ADGB: variants seen among roughly 807,000 people sequenced by gnomAD.
ADGB encodes calpain-7-like protein.
In ADGB, 172 loss-of-function variants were observed where a neutral mutation model predicts 210.5. The ratio of observed to expected loss-of-function variants is 0.82; its 90% CI spans 0.72 to 0.93. The LOEUF (loss-of-function observed/expected upper bound fraction) is 0.93, where lower values mean the gene tolerates loss of function less well. Ranked by LOEUF, ADGB falls within the 40% of genes least tolerant of loss-of-function variation. The pLI is 0.00. For synonymous variants in ADGB, 658 were observed against 662.7 expected, an observed-to-expected ratio of 0.99 and a Z score of 0.11; for missense variants, 2,025 against 1,964.8, an observed-to-expected ratio of 1.03 and a Z score of -0.58.
chr6:146,814,309 A>G (rs535532164), intron 35 of ADGB, among the ~76,000 whole-genome samples: 2 of 152,330 alleles, frequency 1.3e-5, no homozygotes, highest in Admixed American at 6.5e-5. Context: ...TGATCATATT[A>G]TCTTTGAAAC....
intron 35 of ADGB, chr6:146,807,938 A>G (rs1374474815): frequency 1.3e-5 from 2 of 158,088 alleles, no homozygotes; most frequent in Non-Finnish European, 2.8e-5. Flanking sequence ...TTGTTCTTAG[A>G]AGAAATTTAG....
chr6:146,737,481 A>C (rs1031793873), intron 23 of ADGB, among the ~76,000 whole-genome samples: 2 of 152,204 alleles, frequency 1.3e-5, no homozygotes, highest in African/African-American at 2.4e-5. Context: ...GAAGGTACAA[A>C]GATAACAGGT....
chr6:146,802,893 T>C (rs1778154009), intron 35 of ADGB: 3 of 1,610,498 alleles, frequency 1.9e-6, no homozygotes, highest in South Asian at 1.1e-5. Context: ...CATAATCCAC[T>C]TAATTGTTGT....
At chr6:146,748,029 C>G (rs150883484) in intron 26 of ADGB, among the ~76,000 whole-genome samples, 1,773 of 152,004 alleles carry the variant, frequency 0.012, 26 homozygotes, top group African/African-American at 0.04. Context: ...GTGAGGCCAC[C>G]TGTCTCAGCC....
At chr6:146,642,594 A>T (rs1231851717) in intron 2 of ADGB, among the ~76,000 whole-genome samples, 1 of 151,970 alleles carries the variant, frequency 6.6e-6, no homozygotes, top group Non-Finnish European at 1.5e-5. Context: ...AAAGAACAAG[A>T]TCGTGTCTTT....
chr6:146,618,811 A>G (rs967108101), intron 1 of ADGB, among the ~76,000 whole-genome samples: 3 of 150,756 alleles, frequency 2.0e-5, no homozygotes, highest in Non-Finnish European at 3.0e-5. Flanking sequence ...CTGTTGAGAA[A>G]ATGTGTTTTC....
intron 8 of ADGB, among the ~76,000 whole-genome samples, chr6:146,675,494 G>T (rs1158610364): frequency 6.6e-6 from 1 of 151,424 alleles, no homozygotes; most frequent in African/African-American, 2.4e-5. Context: ...AAAAAGCTAA[G>T]GTATGAAACA....
chr6:146,607,032 A>T (rs1780640198), intron 1 of ADGB, among the ~76,000 whole-genome samples: 1 of 152,150 alleles, frequency 6.6e-6, no homozygotes, highest in South Asian at 2.1e-4. Context: ...ATTCATGAGC[A>T]TGGAGTGTTT....
intron 32 of ADGB, among the ~76,000 whole-genome samples, chr6:146,787,620 CTTATT>C (rs1157514780): frequency 2.6e-4 from 40 of 151,100 alleles, no homozygotes; most frequent in African/African-American, 7.5e-4. Flanking sequence ...CTATCTGCCT[CTTATT>C]TCAACATTTC....
intron 1 of ADGB, among the ~76,000 whole-genome samples, chr6:146,613,754 T>G (rs1780745200): frequency 6.6e-6 from 1 of 152,164 alleles, no homozygotes. Flanking sequence ...CATTCTTTAT[T>G]GTATTAAATA....
intron 1 of ADGB, among the ~76,000 whole-genome samples, chr6:146,609,139 T>C (rs1445695858): frequency 1.3e-5 from 2 of 152,206 alleles, no homozygotes; most frequent in Non-Finnish European, 2.9e-5. Context: ...TTTTGTCCCT[T>C]TCGATCGTTG....
chr6:146,726,068 ATCCCTTC>A lies in ADGB; in HGVS notation c.2238-12_2238-6del. 1.3e-6 allele frequency: 2 copies of A among 1,483,432 alleles called. No individual in the cohort carries two copies. The allele number at this position is 1,483,432 out of a possible 1,614,324, so 91.9% of individuals were successfully genotyped here. A position where few individuals can be genotyped will look rare whatever the true frequency, so the allele number is the denominator to read the frequency against. On this transcript the variant is annotated splice_region_variant and splice_polypyrimidine_tract_variant and intron_variant, in intron 18 of 35. Transcript: ENST00000397944. ...AGGAAGCACTCGGTTATCATCCGGCATCCCTTCTCTTTAGGAGACACATGCTACTCTT... is the reference window on the plus strand; with the variant it reads ...AGGAAGCACTCGGTTATCATCCGGCATCTTTAGGAGACACATGCTACTCTT...
intron 26 of ADGB, among the ~76,000 whole-genome samples, chr6:146,746,658 A>G (rs12661787): frequency 0.19 from 29,227 of 152,050 alleles, 3,425 homozygotes; most frequent in Middle Eastern, 0.29. Flanking sequence ...CTATCCATTT[A>G]CATACTCATC....
At position 146,691,475 on chromosome 6, in the gene ADGB, T is replaced by A. The variant is rs56078630; in HGVS notation, c.1486+185T>A. Among the ~76,000 whole-genome samples, 36 of 46,806 alleles carry A rather than the reference T, an allele frequency of 7.7e-4. 3 individuals carry two copies. The highest frequency in any genetic ancestry group is 1.9e-3 in the South Asian group (3 of 1,572). The allele number at this position is 46,806 out of a possible 152,430, so 30.7% of individuals were successfully genotyped here. A position where few individuals can be genotyped will look rare whatever the true frequency, so the allele number is the denominator to read the frequency against. ...ATATATATAAAAATATATATATATA[T>A]AAATATATATATATATATATATATA... On this transcript the variant is annotated intron_variant, in intron 11 of 35. Coordinates refer to ENST00000397944, the MANE Select transcript of ADGB (RefSeq NM_024694.4).
chr6:146,759,089 A>G (rs1186460238), intron 27 of ADGB, among the ~76,000 whole-genome samples: 2 of 151,834 alleles, frequency 1.3e-5, no homozygotes, highest in Non-Finnish European at 2.9e-5. Context: ...TTTCTGGAGT[A>G]CCCCCACATA....
intron 1 of ADGB, among the ~76,000 whole-genome samples, chr6:146,608,013 A>C (rs1780655673): frequency 2.6e-5 from 4 of 152,136 alleles, no homozygotes; most frequent in African/African-American, 7.2e-5. Flanking sequence ...TTCTGCAGTG[A>C]ATCCATCTGG....
intron 5 of ADGB, among the ~76,000 whole-genome samples, chr6:146,663,877 G>C (rs1369374245): frequency 6.6e-6 from 1 of 152,072 alleles, no homozygotes; most frequent in African/African-American, 2.4e-5. Flanking sequence ...ATCCATGGTT[G>C]TATAATGTTT....
Position 146,742,353 on chromosome 6 carries a change from GAC to G in ADGB, c.3177+1084_3177+1085del, listed in dbSNP as rs368157773. ...CATATTTTTCTATCATTTTTAATAA[GAC>G]AGATTTTTTATATTACAATCAGATT... On this transcript the variant is annotated intron_variant, in intron 25 of 35. Coordinates refer to ENST00000397944, the MANE Select transcript of ADGB (RefSeq NM_024694.4). 1.0e-3 allele frequency among the ~76,000 whole-genome samples: 155 copies of G among 151,588 alleles called. 2 individuals carry two copies. In the South Asian group the frequency reaches 0.023, roughly 23 times the overall value.
At chr6:146,675,584 C>T (rs1450806026) in intron 8 of ADGB, among the ~76,000 whole-genome samples, 3 of 151,788 alleles carry the variant, frequency 2.0e-5, no homozygotes, top group African/African-American at 4.8e-5. Context: ...AGATGAGCAA[C>T]CTGACCAATG....
Sources: gnomAD v4.1 joint callset for allele counts (sites outside exome capture counted in the v4.1 genomes callset) on GRCh38, gnomAD v4.1.1 for gene constraint, MANE v1.5 for transcripts, NCBI Gene and HGNC (gene_info 2026-07-23, HGNC 2026-07-21) for gene names.